The following ST6GALNAC1 variants were observed in gnomAD, a reference collection of about 807,000 sequenced individuals.
ST6GALNAC1 encodes the protein alpha-N-acetylgalactosaminide alpha-2,6-sialyltransferase 1.
In ST6GALNAC1, 45 loss-of-function variants were observed where a neutral mutation model predicts 56.8. The observed-to-expected ratio is 0.79, with a 90% CI of 0.62 to 1.02. The LOEUF is 1.02. Ranked by LOEUF, ST6GALNAC1 falls within the 50% of genes least tolerant of loss-of-function variation. ST6GALNAC1 has a pLI of 0.00. For synonymous variants in ST6GALNAC1, 295 were observed against 297.8 expected (o/e 0.99, Z 0.10); for missense variants, 743 against 754.8 (o/e 0.98, Z 0.18).
intron 1 of ST6GALNAC1, among the ~76,000 whole-genome samples, chr17:76,633,044 A>C (rs1198825599): frequency 1.3e-5 from 2 of 151,824 alleles, no homozygotes; most frequent in African/African-American, 4.8e-5. Context: ...CGTCTCTACT[A>C]AAAATGCAAA....
chr17:76,627,693 C>T lies in ST6GALNAC1; in HGVS notation c.832-110G>A, dbSNP rs1013823997. 30 of 938,668 alleles carry T rather than the reference C, an allele frequency of 3.2e-5. No individual in the cohort carries two copies. The Admixed American group carries it at 5.0e-4, about 16-fold the overall frequency. 58.1% of individuals were successfully genotyped at this position (938,668 alleles called of 1,614,324 possible). A position where few individuals can be genotyped will look rare whatever the true frequency, so the allele number is the denominator to read the frequency against. On this transcript the variant is annotated intron_variant, in intron 2 of 8. Coordinates refer to ENST00000156626, the MANE Select transcript of ST6GALNAC1 (RefSeq NM_018414.5). The surrounding 1 kb of genome is among the most constrained non-coding windows in gnomAD (Gnocchi z 4.4). Reference sequence around the variant, plus strand: ...GCTCGCAGTTTGGAAGGCGCGGCCTCTGCTACCTCTTCCATTCTGTTCTCA... The same window carrying T: ...GCTCGCAGTTTGGAAGGCGCGGCCTTTGCTACCTCTTCCATTCTGTTCTCA...
At chr17:76,637,271 C>CAAAAAAAAAAAAAAAAAAAAA (rs1567961276) in intron 1 of ST6GALNAC1, among the ~76,000 whole-genome samples, 1 of 13,882 alleles carries the variant, frequency 7.2e-5, no homozygotes, top group African/African-American at 3.3e-4. Flanking sequence ...TCAATAAATA[C>CAAAAAAAAAAAAAAAAAAAAA]TAAAAAAAAA....
At chr17:76,642,898 C>T (rs542241905) in intron 1 of ST6GALNAC1, among the ~76,000 whole-genome samples, 12 of 140,094 alleles carry the variant, frequency 8.6e-5, no homozygotes, top group Admixed American at 5.2e-4. Context: ...TCCAGCACTC[C>T]GGCAGCAGAG....
At chr17:76,628,978 G>A in intron 2 of ST6GALNAC1, 34 bp downstream of exon 2, 1 of 1,514,166 alleles carries the variant, frequency 6.6e-7, no homozygotes, top group Non-Finnish European at 8.8e-7. Flanking sequence ...TCAGAGCTGG[G>A]AGCCAGAGGG....
intron 1 of ST6GALNAC1, chr17:76,633,731 C>T (rs544094863): frequency 4.6e-5 from 7 of 152,150 alleles, no homozygotes; most frequent in African/African-American, 7.2e-5. Flanking sequence ...CTGCCTTGGC[C>T]TCCTGAGTAG....
chr17:76,626,698 GT>G lies in ST6GALNAC1; in HGVS notation c.1263del (p.Leu422SerfsTer38). ...YGFTAFSLTQ[S>X]LLILGNRGFK... is the part of the protein sequence containing the mutation. ...AAACCCCGATTGCCCAATATAAGGA[GT>G]GACTGGGTCAGGGAGAAGGCGGTAA... On this transcript the variant is annotated frameshift_variant, in exon 5 of 9. Coordinates refer to ENST00000156626, the MANE Select transcript of ST6GALNAC1 (RefSeq NM_018414.5). LOFTEE classifies it high-confidence loss of function. 1 of 1,614,232 alleles carries G rather than the reference GT, an allele frequency of 6.2e-7. No homozygotes were observed. The highest frequency in any genetic ancestry group is 8.5e-7 in the Non-Finnish European group (1 of 1,180,046).
chr17:76,636,731 G>C (rs2075978828), intron 1 of ST6GALNAC1, among the ~76,000 whole-genome samples: 1 of 150,828 alleles, frequency 6.6e-6, no homozygotes. Flanking sequence ...TGGGAAGTGA[G>C]GAGCCCCTCT....
At position 76,629,479 on chromosome 17, in the gene ST6GALNAC1, C is replaced by A; in HGVS notation, c.364G>T (p.Ala122Ser). The A allele has an allele frequency of 6.2e-7, 1 of 1,614,090 alleles. No homozygotes were observed. The highest frequency in any genetic ancestry group is 8.5e-7 in the Non-Finnish European group (1 of 1,180,026). The change falls in exon 2 of 9, where the codon GCA becomes TCA. Residue 122 changes from alanine (A) to serine (S), a missense_variant. Physicochemically the swap from Ala to Ser is moderately conservative, Grantham distance 99. Coordinates refer to ENST00000156626, the MANE Select transcript of ST6GALNAC1 (RefSeq NM_018414.5). ...TCTTTTTCTGGGCTCTTCCATGCTG[C>A]CCTCTGTGCTGTGTGGGGCACCTTG... ...QDKVPHTAQR[A>S]AWKSPEKEKT...
intron 1 of ST6GALNAC1, among the ~76,000 whole-genome samples, chr17:76,631,351 A>G (rs991930617): frequency 6.6e-6 from 1 of 152,302 alleles, no homozygotes. Context: ...GAAAGGAGAG[A>G]TGGGCCTCAG....
At chr17:76,622,606 G>A (rs1018058322), downstream of ST6GALNAC1, among the ~76,000 whole-genome samples, 1 of 151,688 alleles carries the variant, frequency 6.6e-6, no homozygotes, top group Admixed American at 6.6e-5. Flanking sequence ...CTCATGATCG[G>A]CCCACCTTGG....
chr17:76,635,491 G>C lies in ST6GALNAC1; in HGVS notation c.132-5780C>G, dbSNP rs188374813. Among the ~76,000 whole-genome samples the C allele has an allele frequency of 3.5e-4, 53 of 152,224 alleles. 1 individual carries two copies. Among genetic ancestry groups the C allele is most frequent in the Admixed American group, 3.5e-3 (53 of 15,284 alleles). ...CCTGTCTCTACTAAAAATACAAACGGCTGGGTGTGGTGGTGCACGCCTGTA... is the reference window on the plus strand; with the variant it reads ...CCTGTCTCTACTAAAAATACAAACGCCTGGGTGTGGTGGTGCACGCCTGTA... On this transcript the variant is annotated intron_variant, in intron 1 of 8. Transcript: ENST00000156626.
In ST6GALNAC1 at chr17:76,628,020, C is replaced by T. The variant is rs1182888670; in HGVS notation, c.832-437G>A. ...GCTGAGGCAGGAGAATGGCGTGAAC[C>T]CGGGAAGCGGAGCTTGCAGTGAGCC... On this transcript the variant is annotated intron_variant, in intron 2 of 8. Coordinates refer to ENST00000156626, the MANE Select transcript of ST6GALNAC1 (RefSeq NM_018414.5). Among the ~76,000 whole-genome samples the T allele has an allele frequency of 2.6e-5, 4 of 151,508 alleles. No homozygotes were observed. In the South Asian group the frequency reaches 6.3e-4, roughly 24 times the overall value.
intron 1 of ST6GALNAC1, among the ~76,000 whole-genome samples, chr17:76,636,677 GC>G (rs2075977424): frequency 6.9e-6 from 1 of 145,404 alleles, no homozygotes; most frequent in Non-Finnish European, 1.5e-5. Context: ...CCCAGCCGCC[GC>G]CCCGTCTGGG....
At position 76,625,074 on chromosome 17, in the gene ST6GALNAC1, A is replaced by G. The variant is rs1413502533; in HGVS notation, c.*256T>C. 2.0e-6 allele frequency: 1 copy of G among 499,082 alleles called. No homozygotes were observed. The highest frequency in any genetic ancestry group is 1.9e-5 in the African/African-American group (1 of 51,922). The allele number at this position is 499,082 out of a possible 1,614,324, so 30.9% of individuals were successfully genotyped here. ...AGTGTTTTTCAGCAGGAATTGTGGTATTGGCCACCCATCACCCCATTTAAT... is the reference window on the plus strand; with the variant it reads ...AGTGTTTTTCAGCAGGAATTGTGGTGTTGGCCACCCATCACCCCATTTAAT... On this transcript the variant is annotated 3_prime_UTR_variant, in exon 9 of 9. Transcript: ENST00000156626.
In ST6GALNAC1 at chr17:76,627,107, G is replaced by A; in HGVS notation, c.1132C>T (p.His378Tyr). Residue 378 changes from histidine to tyrosine, a missense_variant, in exon 4 of 9, where the codon CAC becomes TAC. By Grantham distance (83) the His-to-Tyr change is moderately conservative (BLOSUM62 2). Coordinates refer to ENST00000156626, the MANE Select transcript of ST6GALNAC1 (RefSeq NM_018414.5). This position sits in a 1 kb window ranked among gnomAD's most constrained non-coding sequence, Gnocchi z 4.4. ...VGNGGILNNS[H>Y]MGQEIDSHDY... Reference sequence around the variant, plus strand: ...TGACTGTCTATCTCCTGGCCCATGTGGGAGTTGTTCAGGATGCCCCCGTTG... The same window carrying A: ...TGACTGTCTATCTCCTGGCCCATGTAGGAGTTGTTCAGGATGCCCCCGTTG... The A allele has an allele frequency of 6.3e-7, 1 of 1,580,602 alleles. No homozygotes were observed. The highest frequency in any genetic ancestry group is 2.2e-5 in the East Asian group (1 of 44,658).
Position 76,643,569 on chromosome 17 carries a change from G to C in ST6GALNAC1, c.70C>G (p.Leu24Val). 6.2e-7 allele frequency: 1 copy of C among 1,614,184 alleles called. No homozygotes were observed. Among genetic ancestry groups the C allele is most frequent in the Non-Finnish European group, 8.5e-7 (1 of 1,179,992 alleles). The change falls in exon 1 of 9, where the codon CTG becomes GTG. Residue 24 changes from leucine (L) to valine (V), a missense_variant. By Grantham distance (32) the Leu-to-Val change is conservative. Transcript: ENST00000156626. ...GGCAAGGCGAAGAGAAAGAAGACCAGGACAGCCAGAAGCAAGGACCACTGG... is the reference window on the plus strand; with the variant it reads ...GGCAAGGCGAAGAGAAAGAAGACCACGACAGCCAGAAGCAAGGACCACTGG... The part of the protein sequence containing the change: ...GVQWSLLLAV[L>V]VFFLFALPSF...
At chr17:76,621,331 C>T (rs1233646237), downstream of ST6GALNAC1, among the ~76,000 whole-genome samples, 5 of 150,666 alleles carry the variant, frequency 3.3e-5, no homozygotes, top group African/African-American at 7.3e-5. Context: ...TACAGGTGCA[C>T]GCCACCACGC....
Position 76,629,262 on chromosome 17 carries a change from G to C in ST6GALNAC1, c.581C>G (p.Thr194Arg). 6.2e-7 allele frequency: 1 copy of C among 1,614,148 alleles called. No individual in the cohort carries two copies. Reference sequence around the variant, plus strand: ...TCTGTGCTGACTTTTGGGAATGAGCGTCTTGGCTGTGGTTGCCGCTTTGCC... The same window carrying C: ...TCTGTGCTGACTTTTGGGAATGAGCCTCTTGGCTGTGGTTGCCGCTTTGCC... ...HQGKAATTAK[T>R]LIPKSQHRML... is the part of the protein sequence containing the mutation. Residue 194 changes from threonine to arginine, a missense_variant, in exon 2 of 9, where the codon ACG becomes AGG. Coordinates refer to ENST00000156626, the MANE Select transcript of ST6GALNAC1 (RefSeq NM_018414.5).
chr17:76,625,970 G>C (rs946735747), intron 7 of ST6GALNAC1, 36 bp downstream of exon 7: 2 of 1,610,530 alleles, frequency 1.2e-6, no homozygotes, highest in Non-Finnish European at 8.5e-7. Context: ...GGATAACAGG[G>C]ACCTGGGCTA....
Sources: allele counts gnomAD v4.1 joint callset (sites outside exome capture counted in the v4.1 genomes callset), GRCh38; gene constraint gnomAD v4.1.1; non-coding constraint Gnocchi (gnomAD v3.1); transcripts MANE v1.5; gene names NCBI Gene and HGNC (gene_info 2026-07-23, HGNC 2026-07-21).